Variants in ANKHD1 observed in about 807,000 individuals in gnomAD.
The protein encoded by ANKHD1 is ankyrin repeat and KH domain containing 1.
A neutral mutation model predicts 230.5 loss-of-function variants in ANKHD1; 31 were observed. The ratio of observed to expected loss-of-function variants is 0.13; its 90% CI spans 0.10 to 0.18. The LOEUF (loss-of-function observed/expected upper bound fraction) is 0.18, where lower values mean the gene tolerates loss of function less well. Among genes scored for constraint, ANKHD1 ranks in the 10% least tolerant of loss-of-function variants. ANKHD1 has a pLI of 1.00. For missense variants in ANKHD1, 2,256 were observed against 3,071.3 expected, an observed-to-expected ratio of 0.73 and a Z score of 6.27; for synonymous variants, 1,074 against 1,117.6, an observed-to-expected ratio of 0.96 and a Z score of 0.78.
At chr5:140,534,733 T>C (rs948424172) in intron 29 of ANKHD1, among the ~76,000 whole-genome samples, 7 of 152,218 alleles carry the variant, frequency 4.6e-5, no homozygotes, top group Non-Finnish European at 7.3e-5. Flanking sequence ...TTCATCCTCT[T>C]TTCCTAATAC....
intron 9 of ANKHD1, among the ~76,000 whole-genome samples, chr5:140,461,207 A>G (rs966536270): frequency 6.6e-6 from 1 of 152,360 alleles, no homozygotes. Context: ...ACTAATGCAC[A>G]ATGATGTTAT....
chr5:140,517,428 C>T (rs1753077000), intron 24 of ANKHD1, among the ~76,000 whole-genome samples: 2 of 151,428 alleles, frequency 1.3e-5, no homozygotes, highest in South Asian at 4.2e-4. Context: ...CTCAGCTCTG[C>T]ACCAAGCGGA....
chr5:140,497,877 C>CACACA (rs1198938820), intron 15 of ANKHD1, among the ~76,000 whole-genome samples: 1 of 144,516 alleles, frequency 6.9e-6, no homozygotes, highest in Non-Finnish European at 1.5e-5. Flanking sequence ...CCACACCACA[C>CACACA]CACACACACA....
Position 140,535,527 on chromosome 5 carries a change from C to T in ANKHD1, c.7016C>T (p.Ala2339Val), listed in dbSNP as rs765090740. The T allele has an allele frequency of 2.5e-6, 4 of 1,599,610 alleles. No homozygotes were observed. The highest frequency in any genetic ancestry group is 3.4e-6 in the Non-Finnish European group (4 of 1,175,820). ...QHFSPHPWTS[A>V]SNSSTSAPPT... ...TTTTCTCCCCATCCTTGGACAAGCGCCTCAAACTCATGTAGGAATCCTGGA... is the reference window on the plus strand; with the variant it reads ...TTTTCTCCCCATCCTTGGACAAGCGTCTCAAACTCATGTAGGAATCCTGGA... Residue 2339 changes from alanine to valine, a missense_variant, in exon 30 of 34, where the codon GCC (alanine) becomes GTC (valine). Coordinates refer to ENST00000360839, the MANE Select transcript of ANKHD1 (RefSeq NM_017747.3).
intron 10 of ANKHD1, among the ~76,000 whole-genome samples, chr5:140,468,052 C>CTGTTTTTTTTTTT (rs1776223475): frequency 1.9e-5 from 1 of 52,380 alleles, no homozygotes; most frequent in Non-Finnish European, 3.2e-5. Flanking sequence ...TGTACTAATT[C>CTGTTTTTTTTTTT]TTTTTTTTTT....
chr5:140,418,419 A>G (rs1771585779), intron 1 of ANKHD1, among the ~76,000 whole-genome samples: 1 of 151,630 alleles, frequency 6.6e-6, no homozygotes, highest in African/African-American at 2.4e-5. Flanking sequence ...AAGTGTTGGG[A>G]TTACTGGTGT....
chr5:140,419,850 CT>C (rs1214680247), intron 1 of ANKHD1, among the ~76,000 whole-genome samples: 20 of 118,510 alleles, frequency 1.7e-4, no homozygotes, highest in Admixed American at 6.2e-4. Context: ...CTTTCTCTTT[CT>C]TTTTTTCTTT....
chr5:140,404,967 C>CTGTGTGTGTGTG (rs35692572), intron 1 of ANKHD1, among the ~76,000 whole-genome samples: 4 of 134,830 alleles, frequency 3.0e-5, no homozygotes, highest in Admixed American at 7.4e-5. Flanking sequence ...CTGTGCATGT[C>CTGTGTGTGTGTG]TGTGTGTGTG....
chr5:140,532,686 C>CTAT (rs556453790), intron 29 of ANKHD1, among the ~76,000 whole-genome samples: 121 of 152,266 alleles, frequency 7.9e-4, no homozygotes, highest in Non-Finnish European at 1.4e-3. Context: ...CAAAAAGCTA[C>CTAT]TGAATAGTAT....
intron 1 of ANKHD1, among the ~76,000 whole-genome samples, chr5:140,427,441 C>T (rs1230257307): frequency 7.7e-6 from 1 of 130,076 alleles, no homozygotes. Flanking sequence ...CAACCTCTCT[C>T]CCGGACGGGG....
chr5:140,485,051 T>A lies in ANKHD1; in HGVS notation c.1871-70T>A. The A allele has an allele frequency of 6.6e-7, 1 of 1,513,890 alleles. No homozygotes were observed. Among genetic ancestry groups the A allele is most frequent in the Non-Finnish European group, 8.9e-7 (1 of 1,125,104 alleles). 93.8% of individuals were successfully genotyped at this position (1,513,890 alleles called of 1,614,324 possible). On this transcript the variant is annotated intron_variant, in intron 11 of 33. Transcript: ENST00000360839. This position sits in a 1 kb window ranked among gnomAD's most constrained non-coding sequence, Gnocchi z 4.8. ...TACATTATACTTCACAAAAAATTTT[T>A]AAATGATATTGACTATGAACTAGCT...
At position 140,456,237 on chromosome 5, in the gene ANKHD1, C is replaced by T. The variant is rs540062907; in HGVS notation, c.1243-2388C>T. 5.6e-4 allele frequency among the ~76,000 whole-genome samples: 86 copies of T among 152,286 alleles called. 1 individual carries two copies. Among genetic ancestry groups the T allele is most frequent in the African/African-American group, 1.9e-3 (79 of 41,558 alleles). On this transcript the variant is annotated intron_variant, in intron 7 of 33. Transcript: ENST00000360839. ...GATACAAACAAATGGAAGAACATTC[C>T]ATGCTCATGGATAGGGAGATTCAAT...
intron 1 of ANKHD1, among the ~76,000 whole-genome samples, chr5:140,419,455 T>C (rs1223524730): frequency 1.1e-5 from 1 of 87,900 alleles, no homozygotes; most frequent in African/African-American, 3.4e-5. Flanking sequence ...TCTTTCTTTC[T>C]TTTTTTTTTT....
intron 3 of ANKHD1, among the ~76,000 whole-genome samples, 186 bp from the exon 4 acceptor site, chr5:140,439,933 G>A (rs1773732720): frequency 6.6e-6 from 1 of 152,120 alleles, no homozygotes; most frequent in South Asian, 2.1e-4. Context: ...TGGCTTTCTG[G>A]CTTGGTTGAT....
Position 140,525,834 on chromosome 5 carries a change from T to TC in ANKHD1, c.4493-162_4493-161insC, listed in dbSNP as rs1554094156. On this transcript the variant is annotated intron_variant, in intron 25 of 33. Transcript: ENST00000360839. Reference sequence around the variant, plus strand: ...CTAGGCGACAGAGCAAGACTCCATCTAAAAAAAAAAAAAAAAGATTTCTTT... The same window carrying TC: ...CTAGGCGACAGAGCAAGACTCCATCTCAAAAAAAAAAAAAAAAGATTTCTTT... 4.4e-3 allele frequency among the ~76,000 whole-genome samples: 554 copies of TC among 126,794 alleles called. 6 individuals carry two copies. Among genetic ancestry groups the TC allele is most frequent in the African/African-American group, 0.016 (540 of 34,696 alleles). 83.2% of individuals were successfully genotyped at this position (126,794 alleles called of 152,430 possible). A position where few individuals can be genotyped will look rare whatever the true frequency, so the allele number is the denominator to read the frequency against.
At chr5:140,533,756 A>G (rs1753943611) in intron 29 of ANKHD1, among the ~76,000 whole-genome samples, 1 of 138,938 alleles carries the variant, frequency 7.2e-6, no homozygotes, top group Admixed American at 7.3e-5. Context: ...AGCCTGAGTG[A>G]GAGAGCAAGA....
chr5:140,428,650 G>C (rs1772756680), intron 1 of ANKHD1, among the ~76,000 whole-genome samples: 1 of 152,142 alleles, frequency 6.6e-6, no homozygotes, highest in Non-Finnish European at 1.5e-5. Flanking sequence ...GGGAGACCGT[G>C]GGGAGAGGGA....
chr5:140,532,162 G>A (rs1026255837), intron 29 of ANKHD1, among the ~76,000 whole-genome samples: 3 of 149,486 alleles, frequency 2.0e-5, no homozygotes, highest in Admixed American at 6.7e-5. Flanking sequence ...AGCTGAGATC[G>A]CGCCACTGCA....
At chr5:140,497,872 CCACACCACACACACA>C (rs1296892310) in intron 15 of ANKHD1, among the ~76,000 whole-genome samples, 2 of 130,590 alleles carry the variant, frequency 1.5e-5, no homozygotes, top group Non-Finnish European at 3.2e-5. Flanking sequence ...CACAACCACA[CCACACCACACACACA>C]CACACACACA....
Sources: allele counts gnomAD v4.1 joint callset (sites outside exome capture counted in the v4.1 genomes callset), GRCh38; gene constraint gnomAD v4.1.1; non-coding constraint Gnocchi (gnomAD v3.1); transcripts MANE v1.5; gene names NCBI Gene and HGNC (gene_info 2026-07-23, HGNC 2026-07-21).